Variants in CES5A observed in about 807,000 individuals in gnomAD.
CES5A encodes the protein carboxylesterase 5.
A neutral mutation model predicts 62.9 loss-of-function variants in CES5A; 67 were observed. That is an observed-to-expected ratio of 1.07 (90% CI 0.88 to 1.31). CES5A has a LOEUF of 1.31. CES5A is among the 50% of genes most tolerant of loss of function. The pLI, the probability that CES5A is intolerant of heterozygous loss-of-function variation, is 0.00. For missense variants in CES5A, 748 were observed against 708.5 expected, an observed-to-expected ratio of 1.06 and a Z score of -0.63; for synonymous variants, 296 against 280.8, an observed-to-expected ratio of 1.05 and a Z score of -0.54.
chr16:55,854,544 C>CTTTTTTTTTTTTTTTT lies in CES5A; in HGVS notation c.1126-1517_1126-1516insAAAAAAAAAAAAAAAA, dbSNP rs56017491. ...CCTGTAGTGTTTCTTTTTTTTTTTT[C>CTTTTTTTTTTTTTTTT]TTTTTTTTTTTTTGAGACAGAGTCT... On this transcript the variant is annotated intron_variant, in intron 9 of 12. Transcript: ENST00000290567. Among the ~76,000 whole-genome samples the CTTTTTTTTTTTTTTTT allele has an allele frequency of 4.7e-4, 30 of 64,412 alleles. 2 individuals are homozygous for CTTTTTTTTTTTTTTTT. Among genetic ancestry groups the CTTTTTTTTTTTTTTTT allele is most frequent in the East Asian group, 6.2e-4 (1 of 1,602 alleles). 42.3% of individuals were successfully genotyped at this position (64,412 alleles called of 152,430 possible). A position where few individuals can be genotyped will look rare whatever the true frequency, so the allele number is the denominator to read the frequency against.
intron 1 of CES5A, among the ~76,000 whole-genome samples, chr16:55,883,589 A>C (rs2142426525): frequency 6.6e-6 from 1 of 152,274 alleles, no homozygotes; most frequent in Non-Finnish European, 1.5e-5. Context: ...TGCATCTTTT[A>C]GGTCTTTAAC....
upstream of CES5A, among the ~76,000 whole-genome samples, chr16:55,926,280 AAAG>A (rs568662941): frequency 2.8e-4 from 42 of 152,352 alleles, no homozygotes; most frequent in Middle Eastern, 3.4e-3. Context: ...AGAATAGAAA[AAAG>A]GCAATAAATC....
intron 11 of CES5A, among the ~76,000 whole-genome samples, chr16:55,848,785 A>AT (rs1368096240): frequency 6.6e-6 from 1 of 152,184 alleles, no homozygotes; most frequent in African/African-American, 2.4e-5. Context: ...ATTACATAGT[A>AT]TGGGCTCAGG....
At chr16:55,915,529 G>T (rs2034139410) in intron 1 of CES5A, among the ~76,000 whole-genome samples, 1 of 152,086 alleles carries the variant, frequency 6.6e-6, no homozygotes, top group Non-Finnish European at 1.5e-5. Flanking sequence ...GAAGGGAAGA[G>T]TTGGAGGAGA....
intron 2 of CES5A, among the ~76,000 whole-genome samples, chr16:55,934,558 T>C (rs2034348156): frequency 6.6e-6 from 1 of 152,176 alleles, no homozygotes; most frequent in African/African-American, 2.4e-5. Flanking sequence ...TCAGTAAGGG[T>C]TAATTTACTA....
intron 1 of CES5A, among the ~76,000 whole-genome samples, chr16:55,907,318 G>A (rs764818741): frequency 6.6e-6 from 1 of 152,188 alleles, no homozygotes; most frequent in Non-Finnish European, 1.5e-5. Flanking sequence ...AGGGACAAAG[G>A]ATCCAGCTCC....
rs540978954 is a variant in CES5A at position 55,872,925 on chromosome 16, G to A, written c.278+908C>T. Among the ~76,000 whole-genome samples the A allele has an allele frequency of 2.6e-5, 4 of 152,298 alleles. No homozygotes were observed. The South Asian group carries it at 8.3e-4, about 32-fold the overall frequency. On this transcript the variant is annotated intron_variant, in intron 2 of 12. Transcript: ENST00000290567. ...CCCCTGCGGCGTCCCCAAGCTTAAT[G>A]GAGAGCCAGTTATCAAGTTGGTTCG...
At chr16:55,941,932 T>C (rs2034450539) in intron 2 of CES5A, among the ~76,000 whole-genome samples, 1 of 152,168 alleles carries the variant, frequency 6.6e-6, no homozygotes, top group Non-Finnish European at 1.5e-5. Context: ...AATTTCTTTT[T>C]AGACCTTTTA....
At chr16:55,852,336 G>C (rs1252257325) in intron 10 of CES5A, among the ~76,000 whole-genome samples, 1 of 152,160 alleles carries the variant, frequency 6.6e-6, no homozygotes, top group Non-Finnish European at 1.5e-5. Flanking sequence ...GGTCGAAGAA[G>C]ATACTCTGCA....
chr16:55,951,543 T>G (rs1241655590), intron 1 of CES5A, among the ~76,000 whole-genome samples: 6 of 152,214 alleles, frequency 3.9e-5, no homozygotes, highest in Admixed American at 3.9e-4. Context: ...AGATACATGC[T>G]GCTTGTAAGA....
At chr16:55,893,881 A>G (rs1467928786) in intron 1 of CES5A, among the ~76,000 whole-genome samples, 1 of 152,180 alleles carries the variant, frequency 6.6e-6, no homozygotes, top group Non-Finnish European at 1.5e-5. Flanking sequence ...AACATATCTC[A>G]AGCAAGATGA....
At chr16:55,921,945 CTAAGA>C (rs1479143555) in intron 1 of CES5A, among the ~76,000 whole-genome samples, 1 of 151,688 alleles carries the variant, frequency 6.6e-6, no homozygotes, top group Non-Finnish European at 1.5e-5. Context: ...TCTTGGTGAT[CTAAGA>C]TAAGTTATCA....
At chr16:55,889,525 T>A (rs1567342366) in intron 1 of CES5A, among the ~76,000 whole-genome samples, 1 of 152,148 alleles carries the variant, frequency 6.6e-6, no homozygotes, top group Non-Finnish European at 1.5e-5. Flanking sequence ...AACAGCCAGA[T>A]GAAAGAGATG....
intron 8 of CES5A, among the ~76,000 whole-genome samples, chr16:55,858,841 G>T (rs2142393559): frequency 6.6e-6 from 1 of 152,274 alleles, no homozygotes; most frequent in African/African-American, 2.4e-5. Context: ...AAAATCATGG[G>T]TCTTTCCCAG....
At chr16:55,900,727 C>G (rs553950405) in intron 1 of CES5A, among the ~76,000 whole-genome samples, 1 of 152,270 alleles carries the variant, frequency 6.6e-6, no homozygotes, top group South Asian at 2.1e-4. Context: ...CGAGCTTGCT[C>G]TCACTCTGCA....
intron 11 of CES5A, 86 bp from the exon 12 acceptor site, chr16:55,846,926 A>C (rs1597105889): frequency 6.7e-6 from 7 of 1,042,474 alleles, no homozygotes; most frequent in Admixed American, 3.6e-5. Context: ...TCCTTTTCAC[A>C]CCCCTCCTCC....
At position 55,914,156 on chromosome 16, in the gene CES5A, C is replaced by T. The variant is rs531098375; in HGVS notation, c.-256+11167G>A. On this transcript the variant is annotated intron_variant, in intron 1 of 12. Coordinates refer to the CES5A transcript ENST00000518005. ...TACCTAAAGTTCAACTTTTACAGGG[C>T]CTCCTATATTTTTATTTGCAAAATC... Among the ~76,000 whole-genome samples, 8 of 152,194 alleles carry T rather than the reference C, an allele frequency of 5.3e-5. No individual in the cohort carries two copies. The South Asian group carries it at 1.7e-3, about 32-fold the overall frequency.
At chr16:55,946,873 G>A (rs374343492) in intron 2 of CES5A, among the ~76,000 whole-genome samples, 58 of 152,302 alleles carry the variant, frequency 3.8e-4, no homozygotes, top group African/African-American at 1.3e-3. Flanking sequence ...TAGCCAAGAC[G>A]TGTTTCTCTT....
At chr16:55,866,962 T>C (rs1324876363) in intron 4 of CES5A, among the ~76,000 whole-genome samples, 4 of 152,108 alleles carry the variant, frequency 2.6e-5, no homozygotes, top group African/African-American at 9.7e-5. Flanking sequence ...ACCTATGAGG[T>C]AGGTGGTGCT....
Sources: allele counts gnomAD v4.1 joint callset (sites outside exome capture counted in the v4.1 genomes callset), GRCh38; gene constraint gnomAD v4.1.1; transcripts MANE v1.5; gene names NCBI Gene and HGNC (gene_info 2026-07-23, HGNC 2026-07-21).